The following PPP2CB variants were observed in gnomAD, a reference collection of about 807,000 sequenced individuals.
PPP2CB encodes serine/threonine-protein phosphatase 2A catalytic subunit beta isoform.
In PPP2CB, 18 loss-of-function variants were observed where a neutral mutation model predicts 39.1. That is an observed-to-expected ratio of 0.46 (90% confidence interval 0.32 to 0.68). PPP2CB has a LOEUF of 0.68. PPP2CB is among the 30% of genes least tolerant of loss of function. The probability of loss-of-function intolerance (pLI) is 0.04; values close to 1 mark genes in which losing one functional copy is unlikely to be tolerated. For missense variants in PPP2CB, 226 were observed against 396.9 expected (o/e 0.57, Z 3.66); for synonymous variants, 129 against 133.8 (o/e 0.96, Z 0.25).
intron 6 of PPP2CB, among the ~76,000 whole-genome samples, chr8:30,790,219 A>G (rs1806408496): frequency 6.6e-6 from 1 of 152,104 alleles, no homozygotes; most frequent in South Asian, 2.1e-4. Context: ...ATATTATATG[A>G]ATACCCCACA....
intron 6 of PPP2CB, among the ~76,000 whole-genome samples, chr8:30,790,483 CTAAG>C (rs1294996470): frequency 6.6e-6 from 1 of 152,230 alleles, no homozygotes; most frequent in Non-Finnish European, 1.5e-5. Context: ...TCTCCATCAC[CTAAG>C]TAAGATAAGT....
At chr8:30,807,086 T>C (rs527531519) in intron 1 of PPP2CB, among the ~76,000 whole-genome samples, 36 of 152,328 alleles carry the variant, frequency 2.4e-4, no homozygotes, top group Non-Finnish European at 4.3e-4. Flanking sequence ...GTTCAGTCAC[T>C]AGAATTGGGT....
In PPP2CB at chr8:30,812,184, G is replaced by A. The variant is rs1420609024; in HGVS notation, c.102+136C>T. ...CGATGGGCCGGCCGCCTAGGTGGAC[G>A]CCGGAGCCGGACCCACAGCCCCGCA... On this transcript the variant is annotated intron_variant, in intron 1 of 6. Coordinates refer to ENST00000221138, the MANE Select transcript of PPP2CB (RefSeq NM_001009552.2). 1.3e-5 allele frequency: 6 copies of A among 477,706 alleles called. No homozygotes were observed. In the South Asian group the frequency reaches 2.9e-4, roughly 23 times the overall value. The allele number at this position is 477,706 out of a possible 1,614,324, so 29.6% of individuals were successfully genotyped here.
Position 30,812,410 on chromosome 8 carries a change from CT to C in PPP2CB, c.11del (p.Lys4ArgfsTer14). 1 of 1,537,846 alleles carries C rather than the reference CT, an allele frequency of 6.5e-7. No individual in the cohort carries two copies. The highest frequency in any genetic ancestry group is 8.8e-7 in the Non-Finnish European group (1 of 1,138,388). On this transcript the variant is annotated frameshift_variant, in exon 1 of 7. Transcript: ENST00000221138. LOFTEE classifies it high-confidence loss of function. ...ACTGGTCCAGCTCCTTGGTGAACGC[CT>C]TGTCGTCCATGGCGGCCCGATCCCG... MDDKAFTKELDQWV... is the reference protein window; with the variant it reads MDDXAFTKELDQWV...
At chr8:30,794,842 T>C (rs535958694) in intron 3 of PPP2CB, among the ~76,000 whole-genome samples, 2 of 152,370 alleles carry the variant, frequency 1.3e-5, no homozygotes, top group East Asian at 3.9e-4. Flanking sequence ...CTCTGATTCC[T>C]GTTACTGGCT....
intron 3 of PPP2CB, among the ~76,000 whole-genome samples, chr8:30,794,762 C>T (rs962613862): frequency 3.9e-5 from 6 of 152,138 alleles, no homozygotes; most frequent in Admixed American, 1.3e-4. Context: ...GCCACTGTAC[C>T]CAGCTGTCAT....
chr8:30,799,528 G>T lies in PPP2CB; in HGVS notation c.312+18C>A. On this transcript the variant is annotated intron_variant, in intron 2 of 6. Transcript: ENST00000221138. ...TGGTTTAAATCTTGAAAAAAAAATT[G>T]AATTTCAATAATCATACCTTTAATG... 1 of 1,584,398 alleles carries T rather than the reference G, an allele frequency of 6.3e-7. No individual in the cohort carries two copies. Among genetic ancestry groups the T allele is most frequent in the Non-Finnish European group, 8.6e-7 (1 of 1,158,604 alleles).
chr8:30,787,796 T>C (rs535621518), intron 6 of PPP2CB, among the ~76,000 whole-genome samples: 60 of 152,230 alleles, frequency 3.9e-4, no homozygotes, highest in African/African-American at 1.4e-3. Context: ...CTCAAACTCC[T>C]AGTCTCAAGC....
intron 5 of PPP2CB, among the ~76,000 whole-genome samples, chr8:30,791,851 T>C (rs1450288060): frequency 6.6e-6 from 1 of 150,568 alleles, no homozygotes; most frequent in Non-Finnish European, 1.5e-5. Flanking sequence ...TATGTATATA[T>C]ACGTGTATAT....
chr8:30,796,439 G>C (rs1286011535), intron 3 of PPP2CB, among the ~76,000 whole-genome samples: 5 of 152,146 alleles, frequency 3.3e-5, no homozygotes, highest in Non-Finnish European at 4.4e-5. Context: ...GGAGTGCCGT[G>C]ATACGATCTT....
At chr8:30,791,785 A>G (rs1806433671) in intron 5 of PPP2CB, among the ~76,000 whole-genome samples, 1 of 151,834 alleles carries the variant, frequency 6.6e-6, no homozygotes. Flanking sequence ...ATTATTAGCT[A>G]TAGTATTATA....
intron 6 of PPP2CB, 123 bp downstream of exon 6, chr8:30,791,074 A>G (rs1184286723): frequency 1.5e-5 from 9 of 609,898 alleles, no homozygotes; most frequent in Non-Finnish European, 2.2e-5. Flanking sequence ...GCTAATGGTT[A>G]TTTTTGCTGG....
At chr8:30,799,197 C>T (rs1049026069) in intron 2 of PPP2CB, among the ~76,000 whole-genome samples, 8 of 152,016 alleles carry the variant, frequency 5.3e-5, no homozygotes, top group African/African-American at 1.9e-4. Context: ...TTGTAACAAT[C>T]GAATTGTGAA....
At chr8:30,799,414 A>T in intron 2 of PPP2CB, 132 bp downstream of exon 2, 1 of 705,154 alleles carries the variant, frequency 1.4e-6, no homozygotes, top group South Asian at 2.0e-5. Context: ...CTTTAAAAAG[A>T]TGTAAAACCA....
At chr8:30,809,787 A>C (rs1806792823) in intron 1 of PPP2CB, among the ~76,000 whole-genome samples, 2 of 152,100 alleles carry the variant, frequency 1.3e-5, no homozygotes, top group South Asian at 4.1e-4. Flanking sequence ...AAATAAAAAA[A>C]TTATCCCGGT....
intron 5 of PPP2CB, among the ~76,000 whole-genome samples, chr8:30,792,026 A>G (rs1344116258): frequency 2.6e-5 from 4 of 151,836 alleles, no homozygotes; most frequent in Admixed American, 1.3e-4. Context: ...GTGTGTATAT[A>G]TGTATACATA....
At chr8:30,806,569 CT>C (rs1170687095) in intron 1 of PPP2CB, among the ~76,000 whole-genome samples, 3 of 152,130 alleles carry the variant, frequency 2.0e-5, no homozygotes, top group Non-Finnish European at 4.4e-5. Context: ...ATACAGATTA[CT>C]TCTGTAACTT....
chr8:30,810,500 A>G (rs1032861624), intron 1 of PPP2CB, among the ~76,000 whole-genome samples: 11 of 152,200 alleles, frequency 7.2e-5, no homozygotes, highest in African/African-American at 2.7e-4. Context: ...AACTGATTCA[A>G]CTAACACTTT....
At chr8:30,800,687 G>A (rs1806606397) in intron 1 of PPP2CB, among the ~76,000 whole-genome samples, 1 of 152,166 alleles carries the variant, frequency 6.6e-6, no homozygotes, top group African/African-American at 2.4e-5. Flanking sequence ...AAAAGCCTCT[G>A]AAGTAACAAA....
Sources: allele counts gnomAD v4.1 joint callset (sites outside exome capture counted in the v4.1 genomes callset), GRCh38; gene constraint gnomAD v4.1.1; transcripts MANE v1.5; gene names NCBI Gene and HGNC (gene_info 2026-07-23, HGNC 2026-07-21).